The following MYO5B variants were observed in gnomAD, a reference collection of about 807,000 sequenced individuals.
MYO5B encodes myosin VB.
A neutral mutation model predicts 229.3 loss-of-function variants in MYO5B; 143 were observed. That is an observed-to-expected ratio of 0.62 (90% confidence interval 0.54 to 0.72). MYO5B has a LOEUF of 0.72. Ranked by LOEUF, MYO5B falls within the 30% of genes least tolerant of loss-of-function variation. The pLI is 0.00. For missense variants in MYO5B, 2,321 were observed against 2,331.0 expected, an observed-to-expected ratio of 1.00 and a Z score of 0.09; for synonymous variants, 918 against 885.2, an observed-to-expected ratio of 1.04 and a Z score of -0.66.
At chr18:49,949,403 T>C (rs1598905382) in intron 14 of MYO5B, among the ~76,000 whole-genome samples, 2 of 152,228 alleles carry the variant, frequency 1.3e-5, no homozygotes, top group East Asian at 1.9e-4. Context: ...CTTGAAGTCA[T>C]GTTTTAAAGA....
At chr18:49,937,197 C>A in intron 15 of MYO5B, 48 bp downstream of exon 15, 1 of 1,610,016 alleles carries the variant, frequency 6.2e-7, no homozygotes, top group Non-Finnish European at 8.5e-7. Flanking sequence ...ACAGAGAGGC[C>A]AGCCCTGCAC....
chr18:49,829,832 A>G (rs1266945911), intron 39 of MYO5B, among the ~76,000 whole-genome samples: 1 of 152,234 alleles, frequency 6.6e-6, no homozygotes, highest in Admixed American at 6.5e-5. Flanking sequence ...AACAGAATGA[A>G]GAGGAAAAAA....
intron 1 of MYO5B, among the ~76,000 whole-genome samples, chr18:50,177,724 C>G (rs1389390705): frequency 6.6e-6 from 1 of 152,232 alleles, no homozygotes. Flanking sequence ...ACCCACTGAA[C>G]TGTGGTTCTA....
intron 17 of MYO5B, among the ~76,000 whole-genome samples, chr18:49,918,331 C>T (rs1234335282): frequency 6.6e-6 from 1 of 152,198 alleles, no homozygotes; most frequent in Non-Finnish European, 1.5e-5. Context: ...TCAGACAAAC[C>T]CTAGAGTCCC....
chr18:49,917,022 A>G (rs1482750901), intron 17 of MYO5B, among the ~76,000 whole-genome samples: 1 of 152,168 alleles, frequency 6.6e-6, no homozygotes, highest in Admixed American at 6.5e-5. Flanking sequence ...GGAACAGCCC[A>G]CTCATGAAGA....
rs1266103763 is a variant in MYO5B at position 49,989,917 on chromosome 18, A to T, written c.838+522T>A. On this transcript the variant is annotated intron_variant, in intron 7 of 39. Transcript: ENST00000285039. ...GAGAGATCAGATGGCCTGGCAGTCC[A>T]GAGTCTCACATGCCAGAGCCCCCTC... is the stretch of plus-strand genomic sequence containing the variant. Among the ~76,000 whole-genome samples the T allele has an allele frequency of 2.0e-5, 3 of 152,174 alleles. 1 individual carries two copies. The highest frequency in any genetic ancestry group is 4.8e-5 in the African/African-American group (2 of 41,436).
chr18:50,047,864 T>G (rs2030277400), intron 2 of MYO5B, among the ~76,000 whole-genome samples: 1 of 141,566 alleles, frequency 7.1e-6, no homozygotes, highest in Non-Finnish European at 1.5e-5. Flanking sequence ...CCACATGTTC[T>G]CACTGATAGG....
intron 1 of MYO5B, among the ~76,000 whole-genome samples, chr18:50,106,296 C>T (rs60112557): frequency 0.13 from 20,256 of 152,142 alleles, 1,422 homozygotes; most frequent in East Asian, 0.23. Context: ...CCCACATCAA[C>T]GCATTCTCCT....
intron 2 of MYO5B, among the ~76,000 whole-genome samples, chr18:50,050,740 T>C (rs377580615): frequency 3.9e-4 from 60 of 152,152 alleles, no homozygotes; most frequent in African/African-American, 1.4e-3. Flanking sequence ...TTGAGGTTCA[T>C]GGGTTGTAAC....
chr18:49,959,313 T>C (rs1041253679), intron 12 of MYO5B, among the ~76,000 whole-genome samples: 1 of 152,192 alleles, frequency 6.6e-6, no homozygotes, highest in African/African-American at 2.4e-5. Flanking sequence ...TCCGTGAACA[T>C]GTGGTTTCTC....
intron 1 of MYO5B, among the ~76,000 whole-genome samples, chr18:50,113,350 C>T (rs974384622): frequency 1.2e-4 from 19 of 152,202 alleles, no homozygotes; most frequent in Admixed American, 1.0e-3. Context: ...CTGATGCCTC[C>T]CTGTGATGCT....
At chr18:50,182,628 T>C (rs1248081781) in intron 1 of MYO5B, among the ~76,000 whole-genome samples, 2 of 152,218 alleles carry the variant, frequency 1.3e-5, no homozygotes, top group African/African-American at 4.8e-5. Flanking sequence ...AGCACTGTCA[T>C]AAAAAAGAAA....
chr18:49,877,903 G>A (rs758851635), intron 24 of MYO5B, 21 bp from the exon 25 acceptor site: 38 of 1,613,882 alleles, frequency 2.4e-5, no homozygotes, highest in Middle Eastern at 1.6e-4. Flanking sequence ...AGAAAAACGT[G>A]ATAGCTCATT....
At chr18:49,852,226 T>C (rs2024209694) in intron 31 of MYO5B, among the ~76,000 whole-genome samples, 1 of 152,260 alleles carries the variant, frequency 6.6e-6, no homozygotes, top group South Asian at 2.1e-4. Flanking sequence ...TGCACAGCCC[T>C]CTTTATAGGG....
intron 1 of MYO5B, among the ~76,000 whole-genome samples, chr18:50,061,203 T>C (rs1023341584): frequency 1.1e-4 from 16 of 152,182 alleles, no homozygotes; most frequent in Non-Finnish European, 2.4e-4. Context: ...GGAGAGGAAT[T>C]CTAACCACCA....
At chr18:50,000,970 C>G (rs1415262747) in intron 5 of MYO5B, among the ~76,000 whole-genome samples, 1 of 152,146 alleles carries the variant, frequency 6.6e-6, no homozygotes, top group African/African-American at 2.4e-5. Context: ...GGGACAGCAA[C>G]AGAGGTGGAG....
chr18:49,928,074 A>C (rs1195077825), intron 17 of MYO5B, among the ~76,000 whole-genome samples: 2 of 152,258 alleles, frequency 1.3e-5, no homozygotes, highest in African/African-American at 4.8e-5. Context: ...AAGTGGGCTA[A>C]GGACATGAGA....
intron 1 of MYO5B, among the ~76,000 whole-genome samples, chr18:50,173,733 G>T (rs138220592): frequency 1.1e-4 from 17 of 152,262 alleles, no homozygotes; most frequent in African/African-American, 3.9e-4. Context: ...TTACTGGGAT[G>T]GTGAGAGCTG....
chr18:49,837,014 T>A, intron 37 of MYO5B, 129 bp from the exon 38 acceptor site: 2 of 902,194 alleles, frequency 2.2e-6, no homozygotes, highest in Non-Finnish European at 3.5e-6. Context: ...TTAAAAAGCA[T>A]GGCAAGTGCC....
Sources: allele counts gnomAD v4.1 joint callset (sites outside exome capture counted in the v4.1 genomes callset), GRCh38; gene constraint gnomAD v4.1.1; transcripts MANE v1.5; gene names NCBI Gene and HGNC (gene_info 2026-07-23, HGNC 2026-07-21).